The following PSD3 variants were observed in gnomAD, a reference collection of about 807,000 sequenced individuals.
PSD3 encodes the protein PH and SEC7 domain-containing protein 3.
In PSD3, 49 loss-of-function variants were observed where a neutral mutation model predicts 105.5. The observed-to-expected ratio is 0.46, with a 90% CI of 0.37 to 0.59. The LOEUF (loss-of-function observed/expected upper bound fraction) is 0.59. PSD3 is among the 20% of genes least tolerant of loss of function. PSD3 has a pLI of 0.00. For missense variants in PSD3, 1,561 were observed against 1,263.8 expected, an observed-to-expected ratio of 1.24 and a Z score of -3.57; for synonymous variants, 557 against 457.8, an observed-to-expected ratio of 1.22 and a Z score of -2.77.
chr8:18,569,077 G>A (rs1801978789), intron 14 of PSD3, among the ~76,000 whole-genome samples: 1 of 131,012 alleles, frequency 7.6e-6, no homozygotes, highest in South Asian at 2.7e-4. Context: ...TGGTGTATAT[G>A]TGCCACATTT....
At chr8:19,077,380 T>C (rs1829492650) in intron 1 of PSD3, among the ~76,000 whole-genome samples, 3 of 152,114 alleles carry the variant, frequency 2.0e-5, no homozygotes, top group South Asian at 4.1e-4. Context: ...AAAGTTAAAA[T>C]GGACTAAATA....
intron 14 of PSD3, among the ~76,000 whole-genome samples, chr8:18,567,851 T>C (rs1181714715): frequency 6.6e-6 from 1 of 152,224 alleles, no homozygotes; most frequent in South Asian, 2.1e-4. Flanking sequence ...CCGAATCTCA[T>C]GTTGTAATGT....
intron 1 of PSD3, among the ~76,000 whole-genome samples, chr8:19,013,071 T>C (rs1827029456): frequency 6.6e-6 from 1 of 152,130 alleles, no homozygotes; most frequent in South Asian, 2.1e-4. Flanking sequence ...CGGATAAAGT[T>C]AAATGCATGT....
intron 1 of PSD3, among the ~76,000 whole-genome samples, chr8:18,981,458 T>C (rs144165470): frequency 6.6e-6 from 1 of 152,262 alleles, no homozygotes; most frequent in South Asian, 2.1e-4. Context: ...CCCTGTGTCT[T>C]TGGAAAATAG....
intron 11 of PSD3, among the ~76,000 whole-genome samples, chr8:18,614,523 G>T (rs2130668364): frequency 6.6e-6 from 1 of 152,128 alleles, no homozygotes; most frequent in South Asian, 2.1e-4. Context: ...TTGAATATGG[G>T]AATAAGGTAT....
chr8:18,936,529 C>T (rs1189849892), intron 1 of PSD3, among the ~76,000 whole-genome samples: 1 of 152,024 alleles, frequency 6.6e-6, no homozygotes, highest in Non-Finnish European at 1.5e-5. Context: ...TTTGGGAGGC[C>T]AAAGCAGGTG....
intron 4 of PSD3, 70 bp from the exon 5 acceptor site, chr8:18,804,968 A>C: frequency 8.0e-7 from 1 of 1,250,966 alleles, no homozygotes; most frequent in Non-Finnish European, 1.1e-6. Context: ...TATCTGATGA[A>C]ATATTGATAG....
chr8:18,916,904 G>C (rs947798066), intron 2 of PSD3, among the ~76,000 whole-genome samples: 3 of 151,632 alleles, frequency 2.0e-5, no homozygotes, highest in Non-Finnish European at 4.4e-5. Flanking sequence ...AAGGAAATAA[G>C]GGAGAGAAGT....
intron 2 of PSD3, among the ~76,000 whole-genome samples, chr8:18,891,003 T>C (rs966394633): frequency 7.9e-5 from 12 of 151,960 alleles, no homozygotes; most frequent in African/African-American, 2.9e-4. Context: ...AAAGGAAAGA[T>C]CAAAAAAGAG....
intron 11 of PSD3, among the ~76,000 whole-genome samples, chr8:18,626,298 G>C (rs1806471859): frequency 6.6e-6 from 1 of 151,614 alleles, no homozygotes; most frequent in Non-Finnish European, 1.5e-5. Flanking sequence ...GTCCATTTGA[G>C]ACAAGTGTAT....
At chr8:18,757,981 A>G (rs969073912) in intron 9 of PSD3, among the ~76,000 whole-genome samples, 2 of 145,298 alleles carry the variant, frequency 1.4e-5, no homozygotes, top group Non-Finnish European at 3.0e-5. Flanking sequence ...AAACTGCCCC[A>G]TTTTTTTTTT....
chr8:19,083,015 G>A (rs1407364354), intron 1 of PSD3, among the ~76,000 whole-genome samples: 1 of 152,140 alleles, frequency 6.6e-6, no homozygotes, highest in Non-Finnish European at 1.5e-5. Context: ...GAGAGGGCAT[G>A]GTGTTTGGAT....
chr8:18,638,777 G>A (rs1444890772), intron 10 of PSD3, among the ~76,000 whole-genome samples: 3 of 152,086 alleles, frequency 2.0e-5, no homozygotes, highest in African/African-American at 7.2e-5. Context: ...ACTCCAAACA[G>A]CCAAAGCAAT....
intron 2 of PSD3, among the ~76,000 whole-genome samples, chr8:18,908,914 A>G (rs1483819838): frequency 6.6e-6 from 1 of 152,210 alleles, no homozygotes; most frequent in Non-Finnish European, 1.5e-5. Flanking sequence ...TCAGTTCCCG[A>G]CAAATTCTAG....
intron 9 of PSD3, among the ~76,000 whole-genome samples, chr8:18,684,384 T>C (rs1484548599): frequency 6.6e-6 from 1 of 152,124 alleles, no homozygotes; most frequent in Non-Finnish European, 1.5e-5. Flanking sequence ...CAAATAGAGA[T>C]ACCACAAATA....
At chr8:18,992,842 G>C (rs2162425) in intron 1 of PSD3, among the ~76,000 whole-genome samples, 64,100 of 151,836 alleles carry the variant, frequency 0.42, 14,320 homozygotes, top group Non-Finnish European at 0.51. Context: ...AAAATGACAT[G>C]AGACTCCAAG....
At chr8:18,980,064 C>G (rs1825172483) in intron 1 of PSD3, among the ~76,000 whole-genome samples, 1 of 152,186 alleles carries the variant, frequency 6.6e-6, no homozygotes, top group African/African-American at 2.4e-5. Flanking sequence ...GTAACAGGTT[C>G]TCTGCCCTGC....
At chr8:18,920,584 C>G (rs1820944741) in intron 2 of PSD3, among the ~76,000 whole-genome samples, 1 of 152,182 alleles carries the variant, frequency 6.6e-6, no homozygotes, top group Non-Finnish European at 1.5e-5. Context: ...TAGTTACAGT[C>G]CTAGAAAACT....
At chr8:18,682,851 G>T (rs918923278) in intron 9 of PSD3, among the ~76,000 whole-genome samples, 6 of 152,126 alleles carry the variant, frequency 3.9e-5, no homozygotes, top group African/African-American at 1.4e-4. Context: ...ACTCTCAGTG[G>T]GTCTGGATAT....
Sources: gnomAD v4.1 joint callset for allele counts (sites outside exome capture counted in the v4.1 genomes callset) on GRCh38, gnomAD v4.1.1 for gene constraint, MANE v1.5 for transcripts, NCBI Gene and HGNC (gene_info 2026-07-23, HGNC 2026-07-21) for gene names.